The following TACC3 variants were observed in gnomAD, a reference collection of about 807,000 sequenced individuals.
The protein encoded by TACC3 is transforming acidic coiled-coil-containing protein 3.
Under a neutral mutation model 86.0 loss-of-function variants are expected in TACC3, and 52 were observed. The observed-to-expected ratio is 0.60, with a 90% confidence interval of 0.48 to 0.76. The LOEUF is 0.76. Among genes scored for constraint, TACC3 ranks in the 30% least tolerant of loss-of-function variants. The pLI, the probability that TACC3 is intolerant of heterozygous loss-of-function variation, is 0.00. For synonymous variants in TACC3, 512 were observed against 430.0 expected (o/e 1.19, Z -2.36); for missense variants, 1,120 against 1,070.4 (o/e 1.05, Z -0.65).
intron 4 of TACC3, chr4:1,730,402 C>G (rs1271045259): frequency 7.8e-6 from 2 of 255,434 alleles, no homozygotes; most frequent in African/African-American, 4.5e-5. Context: ...AAGCTACAAA[C>G]TAATGATTAA....
At chr4:1,744,048 T>C (rs1325200256) in intron 13 of TACC3, among the ~76,000 whole-genome samples, 3 of 152,182 alleles carry the variant, frequency 2.0e-5, no homozygotes, top group Admixed American at 1.3e-4. Flanking sequence ...CAGTTAGGGC[T>C]TCTCAGTCAC....
intron 8 of TACC3, among the ~76,000 whole-genome samples, chr4:1,736,387 C>T (rs1718263060): frequency 7.1e-6 from 1 of 140,916 alleles, no homozygotes; most frequent in South Asian, 2.3e-4. Context: ...TGCGCCACTG[C>T]ACTCCAGCCT....
intron 6 of TACC3, among the ~76,000 whole-genome samples, chr4:1,732,161 G>C (rs112558308): frequency 2.6e-5 from 4 of 151,162 alleles, no homozygotes; most frequent in African/African-American, 7.3e-5. Context: ...AAGATTGGAG[G>C]CTGCAGTTAA....
intron 6 of TACC3, 50 bp downstream of exon 6, chr4:1,731,351 C>T (rs200240637): frequency 2.5e-6 from 4 of 1,594,384 alleles, no homozygotes; most frequent in Middle Eastern, 1.9e-4. Context: ...GAGGGGATCC[C>T]GTGAGCACTT....
chr4:1,723,473 G>GA lies in TACC3; in HGVS notation c.56dup (p.Asn19LysfsTer55). 1 of 1,613,674 alleles carries GA rather than the reference G, an allele frequency of 6.2e-7. No individual in the cohort carries two copies. The highest frequency in any genetic ancestry group is 8.5e-7 in the Non-Finnish European group (1 of 1,179,976). On this transcript the variant is annotated frameshift_variant, in exon 2 of 16. Coordinates refer to ENST00000313288, the MANE Select transcript of TACC3 (RefSeq NM_006342.3). LOFTEE classifies it high-confidence loss of function. ...AAATGTCAGCAATGAAAAAAATACA[G>GA]AAAATTGCGACTTCCTGTTTTCGCC... is the stretch of plus-strand genomic sequence containing the variant.
rs182247399 is a variant in TACC3 at position 1,731,911 on chromosome 4, C to T, written c.1591+610C>T. On this transcript the variant is annotated intron_variant, in intron 6 of 15. Coordinates refer to ENST00000313288, the MANE Select transcript of TACC3 (RefSeq NM_006342.3). Reference sequence around the variant, plus strand: ...GGCCTCCCAAAGTGCTGGGATTGCACGCGTGAGCCCCCGCGCCCGGCCCAG... The same window carrying T: ...GGCCTCCCAAAGTGCTGGGATTGCATGCGTGAGCCCCCGCGCCCGGCCCAG... Among the ~76,000 whole-genome samples the T allele has an allele frequency of 4.4e-3, 676 of 152,330 alleles. 7 individuals carry two copies. The highest frequency in any genetic ancestry group is 6.8e-3 in the Middle Eastern group (2 of 294).
chr4:1,733,281 A>T (rs1718093299), intron 6 of TACC3, among the ~76,000 whole-genome samples: 1 of 152,140 alleles, frequency 6.6e-6, no homozygotes, highest in Non-Finnish European at 1.5e-5. Flanking sequence ...ACTGAGTTTT[A>T]AGAGGTAAAT....
rs1361842283 is a variant in TACC3 at position 1,723,526 on chromosome 4, T to C, written c.105T>C (p.Val35=). 2 of 1,613,794 alleles carry C rather than the reference T, an allele frequency of 1.2e-6. No individual in the cohort carries two copies. The highest frequency in any genetic ancestry group is 8.5e-7 in the Non-Finnish European group (1 of 1,179,984). ...CAGAAGTTACCGGAAGATCGTCTGT[T>C]CTTCGTGTGTCACAGAAAGAAAATG... is the stretch of plus-strand genomic sequence containing the variant. ...SPPEVTGRSS[V]LRVSQKENVP... Residue 35 remains valine (V), a synonymous_variant, in exon 2 of 16, where the codon GTT becomes GTC. Coordinates refer to ENST00000313288, the MANE Select transcript of TACC3 (RefSeq NM_006342.3).
At position 1,739,660 on chromosome 4, in the gene TACC3, G is replaced by A. The variant is rs367963306; in HGVS notation, c.1942-42G>A. The A allele has an allele frequency of 3.9e-6, 6 of 1,548,302 alleles. No homozygotes were observed. The Admixed American group carries it at 5.9e-5, about 15-fold the overall frequency. On this transcript the variant is annotated intron_variant, in intron 10 of 15. Coordinates refer to ENST00000313288, the MANE Select transcript of TACC3 (RefSeq NM_006342.3). ...CTGTGGGGAGGTCCTGGGAGGGTCAGTCTGGCCCGCCTGCCTGCTGACTTG... is the reference window on the plus strand; with the variant it reads ...CTGTGGGGAGGTCCTGGGAGGGTCAATCTGGCCCGCCTGCCTGCTGACTTG...
intron 3 of TACC3, 29 bp from the exon 4 acceptor site, chr4:1,727,679 C>T (rs1717756631): frequency 6.5e-7 from 1 of 1,546,586 alleles, no homozygotes; most frequent in Non-Finnish European, 8.7e-7. Context: ...GTACTCGCTG[C>T]TTCACGTTGA....
rs766060689 is a variant in TACC3, at chr4:1,737,593, C to T, written c.1837-5C>T. On this transcript the variant is annotated splice_region_variant and splice_polypyrimidine_tract_variant and intron_variant, in intron 9 of 15. Coordinates refer to ENST00000313288, the MANE Select transcript of TACC3 (RefSeq NM_006342.3). ...GGGTTCCTGTTTCATCCCCATCTCC[C>T]GCAGGTGCCAGGCCCACCCCCAGGT... 8.2e-5 allele frequency: 123 copies of T among 1,500,638 alleles called. No homozygotes were observed. Among genetic ancestry groups the T allele is most frequent in the African/African-American group, 2.0e-4 (14 of 71,670 alleles). 93.0% of individuals were successfully genotyped at this position (1,500,638 alleles called of 1,614,324 possible).
In TACC3 at chr4:1,739,697, A is replaced by C. The variant is rs1331172996; in HGVS notation, c.1942-5A>C. ...TGCCTGCTGACTTGGGTGTGGCCTG[A>C]GCAGGTAAAGGCGACACAGGAGGAG... On this transcript the variant is annotated splice_polypyrimidine_tract_variant and splice_region_variant and intron_variant, in intron 10 of 15. Transcript: ENST00000313288. 2 of 1,573,720 alleles carry C rather than the reference A, an allele frequency of 1.3e-6. No individual in the cohort carries two copies. Among genetic ancestry groups the C allele is most frequent in the Non-Finnish European group, 8.6e-7 (1 of 1,160,964 alleles).
At chr4:1,740,286 C>T (rs532460990) in intron 12 of TACC3, 50 of 548,112 alleles carry the variant, frequency 9.1e-5, no homozygotes, top group South Asian at 2.4e-4. Context: ...GAGTCTGTCC[C>T]GCCGTGGCCT....
intron 8 of TACC3, among the ~76,000 whole-genome samples, chr4:1,736,589 T>C (rs1254238770): frequency 6.6e-6 from 1 of 152,034 alleles, no homozygotes; most frequent in Non-Finnish European, 1.5e-5. Flanking sequence ...AACTGAGTAG[T>C]GTGACAGAGG....
rs1189007176 is a variant in TACC3 at position 1,735,139 on chromosome 4, A to G, written c.1592-134A>G. On this transcript the variant is annotated intron_variant, in intron 6 of 15. Coordinates refer to ENST00000313288, the MANE Select transcript of TACC3 (RefSeq NM_006342.3). The surrounding 1 kb of genome is among the most constrained non-coding windows in gnomAD (Gnocchi z 4.2). The stretch of plus-strand genomic sequence containing the variant: ...CGCAGACAGCAGTCAGGCCCCGAAC[A>G]TCCACACCTCCAAGGGAGGAAATAC... 64 of 1,272,110 alleles carry G rather than the reference A, an allele frequency of 5.0e-5. 1 individual carries two copies. Among genetic ancestry groups the G allele is most frequent in the Non-Finnish European group, 6.2e-5 (56 of 901,778 alleles). 78.8% of individuals were successfully genotyped at this position (1,272,110 alleles called of 1,614,324 possible).
chr4:1,739,680 G>C, intron 10 of TACC3, 22 bp from the exon 11 acceptor site: 1 of 1,564,542 alleles, frequency 6.4e-7, no homozygotes, highest in Non-Finnish European at 8.7e-7. Flanking sequence ...CCTGCCTGCT[G>C]ACTTGGGTGT....
In TACC3 at chr4:1,744,540, G is replaced by T; in HGVS notation, c.2246G>T (p.Cys749Phe). ...YRKNEESLKK[C>F]VEDYLARITQ... ...TAGAACGAAGAGTCACTGAAGAAGT[G>T]CGTGGAGGATTACCTGGCAAGGATC... Residue 749 changes from cysteine (C) to phenylalanine (F), a missense_variant, in exon 14 of 16, where the codon TGC (cysteine) becomes TTC (phenylalanine). Cys to Phe is a radical substitution (Grantham distance 205). Coordinates refer to ENST00000313288, the MANE Select transcript of TACC3 (RefSeq NM_006342.3). 6.2e-7 allele frequency: 1 copy of T among 1,613,150 alleles called. No homozygotes were observed. The highest frequency in any genetic ancestry group is 8.5e-7 in the Non-Finnish European group (1 of 1,179,944).
chr4:1,721,595 C>T lies in TACC3; in HGVS notation c.-50C>T, dbSNP rs1322180997. ...TGGAGCAGACGCGGACCCCTCCTTC[C>T]TGGCGGCGGCGGCGCGGGCTCAGAG... On this transcript the variant is annotated 5_prime_UTR_variant, in exon 1 of 16. Transcript: ENST00000313288. 1 of 152,552 alleles carries T rather than the reference C, an allele frequency of 6.6e-6. No individual in the cohort carries two copies. The highest frequency in any genetic ancestry group is 1.5e-5 in the Non-Finnish European group (1 of 68,422). 9.4% of individuals were successfully genotyped at this position (152,552 alleles called of 1,614,324 possible).
intron 1 of TACC3, chr4:1,721,891 A>G (rs1330783026): frequency 6.6e-6 from 1 of 151,868 alleles, no homozygotes; most frequent in Non-Finnish European, 1.5e-5. Context: ...CTGGGCCAAG[A>G]CCGACGGCGG....
Sources: gnomAD v4.1 joint callset for allele counts (sites outside exome capture counted in the v4.1 genomes callset) on GRCh38, gnomAD v4.1.1 for gene constraint, Gnocchi (gnomAD v3.1) non-coding constraint, MANE v1.5 for transcripts, NCBI Gene and HGNC (gene_info 2026-07-23, HGNC 2026-07-21) for gene names.